DACH2: variants seen among roughly 807,000 people sequenced by gnomAD.
DACH2 encodes the protein dachshund homolog 2.
DACH2 carries 17 observed loss-of-function variants against 35.8 expected under a neutral mutation model. The ratio of observed to expected loss-of-function variants is 0.48; its 90% CI spans 0.33 to 0.71. The LOEUF is 0.71. DACH2 is among the 30% of genes least tolerant of loss of function. The pLI is 0.02. For missense variants in DACH2, 469 were observed against 472.7 expected, an observed-to-expected ratio of 0.99 and a Z score of 0.07; for synonymous variants, 195 against 177.3, an observed-to-expected ratio of 1.10 and a Z score of -0.79.
intron 11 of DACH2, among the ~76,000 whole-genome samples, chrX:86,826,482 G>T (rs2042563610): frequency 2.4e-5 from 2 of 82,691 alleles, no homozygotes; most frequent in South Asian, 8.4e-4. Context: ...ATAAACACTA[G>T]AACTTTCTGA....
rs184876296 is a variant in DACH2, at chrX:86,279,852, A to G, written c.489-96972A>G. 4.6e-5 allele frequency among the ~76,000 whole-genome samples: 5 copies of G among 109,127 alleles called. No homozygotes were observed. In the East Asian group the frequency reaches 1.5e-3, roughly 32 times the overall value. The allele number at this position is 109,127 out of a possible 115,157, so 94.8% of individuals were successfully genotyped here. A position where few individuals can be genotyped will look rare whatever the true frequency, so the allele number is the denominator to read the frequency against. ...ACCTGATGGAGCTGAAAAACACACC[A>G]TGAGAACTTTGTGAAGCATACACAA... On this transcript the variant is annotated intron_variant, in intron 1 of 11. Coordinates refer to ENST00000373125, the MANE Select transcript of DACH2 (RefSeq NM_053281.3).
chrX:86,307,962 G>T (rs1298454875), intron 1 of DACH2, among the ~76,000 whole-genome samples: 1 of 111,703 alleles, frequency 9.0e-6, no homozygotes, highest in African/African-American at 3.3e-5. Flanking sequence ...GTTAAAAAAA[G>T]GTTTTAATAG....
At chrX:86,621,918 C>T (rs62592875) in intron 3 of DACH2, among the ~76,000 whole-genome samples, 6,912 of 111,321 alleles carry the variant, frequency 0.062, 192 homozygotes, top group East Asian at 0.14. Flanking sequence ...AGGCTCTTTG[C>T]CATTTACAAA....
chrX:86,756,946 CAG>C, intron 7 of DACH2, among the ~76,000 whole-genome samples: 1 of 110,953 alleles, frequency 9.0e-6, no homozygotes, highest in South Asian at 3.8e-4. Context: ...TATTAAAAGA[CAG>C]TGAATTTTAT....
At chrX:86,310,250 C>T (rs1486086549) in intron 1 of DACH2, among the ~76,000 whole-genome samples, 3 of 111,876 alleles carry the variant, frequency 2.7e-5, no homozygotes, top group East Asian at 2.8e-4. Context: ...CAGCACCATT[C>T]CATCATCAAA....
At chrX:86,695,418 C>T (rs766662757) in intron 5 of DACH2, among the ~76,000 whole-genome samples, 1 of 108,811 alleles carries the variant, frequency 9.2e-6, no homozygotes, top group Non-Finnish European at 1.9e-5. Flanking sequence ...AGTAGAGGTA[C>T]ATAAGTAGAG....
At chrX:86,743,617 C>T (rs747566774) in intron 7 of DACH2, among the ~76,000 whole-genome samples, 42 of 110,977 alleles carry the variant, frequency 3.8e-4, no homozygotes, top group African/African-American at 1.3e-3. Context: ...GTAAACTGAA[C>T]GTGCTTCATA....
intron 3 of DACH2, among the ~76,000 whole-genome samples, chrX:86,557,111 A>T (rs1434060337): frequency 9.1e-6 from 1 of 110,130 alleles, no homozygotes; most frequent in African/African-American, 3.3e-5. Context: ...CTGAAACAAA[A>T]GCAAATTCAT....
intron 11 of DACH2, among the ~76,000 whole-genome samples, chrX:86,823,135 A>G (rs1159872756): frequency 9.1e-6 from 1 of 109,729 alleles, no homozygotes; most frequent in South Asian, 3.9e-4. Context: ...AATTTTCACC[A>G]TGTTGTTCAG....
chrX:86,445,517 A>T (rs1174328835), intron 2 of DACH2, among the ~76,000 whole-genome samples: 1 of 74,255 alleles, frequency 1.3e-5, no homozygotes, highest in African/African-American at 8.6e-5. Flanking sequence ...ATAATAATAA[A>T]AAAAAAGAAA....
At chrX:86,598,011 G>T (rs963430659) in intron 3 of DACH2, among the ~76,000 whole-genome samples, 5 of 111,516 alleles carry the variant, frequency 4.5e-5, no homozygotes, top group Non-Finnish European at 7.5e-5. Flanking sequence ...GCAGACAAGA[G>T]AAGGGAGCCT....
intron 7 of DACH2, among the ~76,000 whole-genome samples, chrX:86,759,581 C>A (rs1369999397): frequency 1.9e-5 from 2 of 102,827 alleles, no homozygotes; most frequent in African/African-American, 3.5e-5. Flanking sequence ...TTTTAAAAAT[C>A]CATTCAGCTA....
intron 1 of DACH2, among the ~76,000 whole-genome samples, chrX:86,176,278 A>G (rs1008618067): frequency 9.0e-6 from 1 of 111,385 alleles, no homozygotes; most frequent in Non-Finnish European, 1.9e-5. Context: ...GGATTGTTGG[A>G]GTACTAGAAG....
chrX:86,243,975 T>C (rs1370599437), intron 1 of DACH2, among the ~76,000 whole-genome samples: 1 of 111,906 alleles, frequency 8.9e-6, no homozygotes, highest in Non-Finnish European at 1.9e-5. Flanking sequence ...GTATTGATAA[T>C]TTAGAATAAT....
At chrX:86,477,479 T>C (rs1014597483) in intron 2 of DACH2, among the ~76,000 whole-genome samples, 3 of 107,629 alleles carry the variant, frequency 2.8e-5, no homozygotes, top group Non-Finnish European at 3.8e-5. Flanking sequence ...ATATTTATAG[T>C]GACACCTGCT....
chrX:86,805,009 G>T (rs980716634), intron 7 of DACH2, among the ~76,000 whole-genome samples: 2 of 112,138 alleles, frequency 1.8e-5, no homozygotes, highest in Non-Finnish European at 3.8e-5. Context: ...GAGGATGGTG[G>T]CCCCCTGTCA....
At position 86,832,199 on chromosome X, in the gene DACH2, C is replaced by G. The variant is rs1322728272; in HGVS notation, c.*44C>G. Reference sequence around the variant, plus strand: ...ACATAAATGAAGATGCTTGTGATTCCAGTTTATCTCTGAAACTATTCAACA... The same window carrying G: ...ACATAAATGAAGATGCTTGTGATTCGAGTTTATCTCTGAAACTATTCAACA... On this transcript the variant is annotated 3_prime_UTR_variant, in exon 12 of 12. Transcript: ENST00000373125. 10 of 1,005,764 alleles carry G rather than the reference C, an allele frequency of 9.9e-6. No individual in the cohort carries two copies. Among genetic ancestry groups the G allele is most frequent in the Non-Finnish European group, 1.4e-5 (10 of 715,626 alleles). 82.9% of individuals were successfully genotyped at this position (1,005,764 alleles called of 1,213,427 possible). A position where few individuals can be genotyped will look rare whatever the true frequency, so the allele number is the denominator to read the frequency against.
At chrX:86,233,180 G>A (rs1443594771) in intron 1 of DACH2, among the ~76,000 whole-genome samples, 2 of 111,241 alleles carry the variant, frequency 1.8e-5, no homozygotes, top group East Asian at 2.8e-4. Context: ...TACACACTGG[G>A]TCTATAGGAG....
intron 2 of DACH2, among the ~76,000 whole-genome samples, chrX:86,477,712 T>C (rs1360095860): frequency 9.0e-6 from 1 of 111,105 alleles, no homozygotes; most frequent in East Asian, 2.8e-4. Flanking sequence ...TTATTTGTTT[T>C]TTGATGGTTT....
Sources: allele counts gnomAD v4.1 joint callset (sites outside exome capture counted in the v4.1 genomes callset), GRCh38; gene constraint gnomAD v4.1.1; transcripts MANE v1.5; gene names NCBI Gene and HGNC (gene_info 2026-07-23, HGNC 2026-07-21).